The following ZCCHC7 variants were observed in gnomAD, a reference collection of about 807,000 sequenced individuals.
ZCCHC7 encodes zinc finger CCHC-type containing 7.
A neutral mutation model predicts 52.0 loss-of-function variants in ZCCHC7; 35 were observed. That is an observed-to-expected ratio of 0.67 (90% CI 0.51 to 0.89). ZCCHC7 has a LOEUF of 0.89. Among genes scored for constraint, ZCCHC7 ranks in the 40% least tolerant of loss-of-function variants. The pLI is 0.00. For missense variants in ZCCHC7, 574 were observed against 649.1 expected (o/e 0.88, Z 1.26); for synonymous variants, 217 against 221.5 (o/e 0.98, Z 0.18).
intron 2 of ZCCHC7, among the ~76,000 whole-genome samples, chr9:37,224,426 T>A (rs1052474237): frequency 6.6e-6 from 1 of 152,204 alleles, no homozygotes; most frequent in African/African-American, 2.4e-5. Flanking sequence ...TAATGTAGAC[T>A]CCTACTTCTA....
intron 2 of ZCCHC7, among the ~76,000 whole-genome samples, chr9:37,161,589 A>G (rs1821110937): frequency 6.6e-6 from 1 of 152,082 alleles, no homozygotes; most frequent in Non-Finnish European, 1.5e-5. Flanking sequence ...AAAAAAGAAA[A>G]AAAAGTGGCA....
At chr9:37,136,473 T>TC (rs1038400949) in intron 2 of ZCCHC7, among the ~76,000 whole-genome samples, 6 of 143,446 alleles carry the variant, frequency 4.2e-5, no homozygotes, top group Admixed American at 2.1e-4. Flanking sequence ...CCACCTGCAA[T>TC]CTCTCTCTCT....
chr9:37,125,394 C>T (rs565612303), intron 1 of ZCCHC7, among the ~76,000 whole-genome samples: 29 of 151,514 alleles, frequency 1.9e-4, no homozygotes, highest in Non-Finnish European at 4.3e-4. Flanking sequence ...CTAACCTCAA[C>T]GTGATCCTCC....
At chr9:37,249,456 CTTTTTT>C (rs60166399) in intron 2 of ZCCHC7, among the ~76,000 whole-genome samples, 3 of 111,266 alleles carry the variant, frequency 2.7e-5, no homozygotes, top group Non-Finnish European at 5.2e-5. Context: ...CTTCTTCTTC[CTTTTTT>C]TTTTTTTTTT....
intron 5 of ZCCHC7, among the ~76,000 whole-genome samples, chr9:37,320,980 C>CT (rs1830023770): frequency 7.5e-6 from 1 of 133,494 alleles, no homozygotes; most frequent in African/African-American, 2.7e-5. Flanking sequence ...TGGGTTTTTT[C>CT]TTTTTTCTTT....
chr9:37,323,173 T>C (rs924015797), intron 5 of ZCCHC7, among the ~76,000 whole-genome samples: 8 of 152,224 alleles, frequency 5.3e-5, no homozygotes, highest in South Asian at 2.1e-4. Flanking sequence ...TTTTAGCTGC[T>C]ACATTATCAT....
At chr9:37,133,745 C>A (rs7032446) in intron 2 of ZCCHC7, among the ~76,000 whole-genome samples, 6,506 of 152,110 alleles carry the variant, frequency 0.043, 468 homozygotes, top group African/African-American at 0.15. Context: ...CGAGCCACCA[C>A]GCCCAGCTAA....
intron 2 of ZCCHC7, among the ~76,000 whole-genome samples, chr9:37,247,403 A>G (rs916593425): frequency 3.9e-5 from 6 of 152,226 alleles, no homozygotes; most frequent in African/African-American, 1.4e-4. Context: ...ATGAGAGATC[A>G]GTGACCTTAC....
chr9:37,144,165 A>G (rs1261402861), intron 2 of ZCCHC7, among the ~76,000 whole-genome samples: 1 of 151,906 alleles, frequency 6.6e-6, no homozygotes, highest in Non-Finnish European at 1.5e-5. Context: ...GTGAAATAAG[A>G]GTAAGGCCTA....
chr9:37,264,233 T>C (rs1826994094), intron 2 of ZCCHC7, among the ~76,000 whole-genome samples: 1 of 152,194 alleles, frequency 6.6e-6, no homozygotes, highest in South Asian at 2.1e-4. Flanking sequence ...TTAATAAGAA[T>C]ATTAAAATGC....
intron 2 of ZCCHC7, among the ~76,000 whole-genome samples, chr9:37,225,202 C>T (rs1825031020): frequency 6.6e-6 from 1 of 151,956 alleles, no homozygotes; most frequent in African/African-American, 2.4e-5. Context: ...TATGGAAAAT[C>T]AATAAATTCA....
rs374929860 is a variant in ZCCHC7, at chr9:37,126,332, T to C, written c.-1T>C. The C allele has an allele frequency of 2.8e-4, 444 of 1,606,936 alleles. 2 individuals are homozygous for C. The highest frequency in any genetic ancestry group is 3.3e-4 in the Non-Finnish European group (390 of 1,176,686). Reference sequence around the variant, plus strand: ...TGCAGCTTCAAGGTTACTGACTTTTTATGATGTTTGGTGGCTATGAGACTA... The same window carrying C: ...TGCAGCTTCAAGGTTACTGACTTTTCATGATGTTTGGTGGCTATGAGACTA... On this transcript the variant is annotated 5_prime_UTR_variant, in exon 2 of 9. Coordinates refer to ENST00000336755, the MANE Select transcript of ZCCHC7 (RefSeq NM_032226.3).
At chr9:37,205,741 C>T (rs1404328546) in intron 2 of ZCCHC7, among the ~76,000 whole-genome samples, 1 of 152,236 alleles carries the variant, frequency 6.6e-6, no homozygotes, top group African/African-American at 2.4e-5. Flanking sequence ...TGATCTCGAA[C>T]TCCTGACCTT....
At chr9:37,130,334 C>CTTTTTTTTT (rs34589957) in intron 2 of ZCCHC7, among the ~76,000 whole-genome samples, 3 of 63,136 alleles carry the variant, frequency 4.8e-5, no homozygotes, top group African/African-American at 1.8e-4. Flanking sequence ...GAATTCTCTC[C>CTTTTTTTTT]TTTTTTTTTT....
intron 2 of ZCCHC7, among the ~76,000 whole-genome samples, chr9:37,218,284 A>G (rs1410237146): frequency 6.6e-6 from 1 of 152,206 alleles, no homozygotes; most frequent in African/African-American, 2.4e-5. Flanking sequence ...ATTAAATAAT[A>G]AGGCCTTATC....
At chr9:37,330,918 T>G (rs1830426372) in intron 6 of ZCCHC7, among the ~76,000 whole-genome samples, 1 of 151,816 alleles carries the variant, frequency 6.6e-6, no homozygotes, top group Non-Finnish European at 1.5e-5. Context: ...TTGACATGAG[T>G]TGGACATTTG....
chr9:37,266,329 A>G (rs1827105891), intron 2 of ZCCHC7, among the ~76,000 whole-genome samples: 1 of 152,166 alleles, frequency 6.6e-6, no homozygotes, highest in Admixed American at 6.5e-5. Context: ...TACAGACAAA[A>G]CTATGAAACT....
intron 8 of ZCCHC7, 88 bp from the exon 9 acceptor site, chr9:37,356,747 C>T (rs1451962191): frequency 2.5e-6 from 3 of 1,215,162 alleles, no homozygotes; most frequent in Non-Finnish European, 3.4e-6. Flanking sequence ...TATCTAGCTT[C>T]CCTGTCTGTT....
chr9:37,248,658 G>T (rs1000789981), intron 2 of ZCCHC7, among the ~76,000 whole-genome samples: 2 of 152,156 alleles, frequency 1.3e-5, no homozygotes, highest in African/African-American at 4.8e-5. Context: ...CCTGTTAGGT[G>T]CCTTCATGTG....
Sources: allele counts gnomAD v4.1 joint callset (sites outside exome capture counted in the v4.1 genomes callset), GRCh38; gene constraint gnomAD v4.1.1; transcripts MANE v1.5; gene names NCBI Gene and HGNC (gene_info 2026-07-23, HGNC 2026-07-21).